The following ATP5PF variants were observed in gnomAD, a reference collection of about 807,000 sequenced individuals.
The protein encoded by ATP5PF is ATP synthase peripheral stalk subunit F6, mitochondrial.
ATP5PF carries 7 observed loss-of-function variants against 12.0 expected under a neutral mutation model. That is an observed-to-expected ratio of 0.58 (90% confidence interval 0.33 to 1.10). The LOEUF (loss-of-function observed/expected upper bound fraction) is 1.10, where lower values mean the gene tolerates loss of function less well. ATP5PF is among the 50% of genes least tolerant of loss of function. ATP5PF has a pLI of 0.03. For synonymous variants in ATP5PF, 41 were observed against 45.4 expected, an observed-to-expected ratio of 0.90 and a Z score of 0.39; for missense variants, 120 against 127.7, an observed-to-expected ratio of 0.94 and a Z score of 0.29.
chr21:25,734,934 C>A (rs776778987), upstream of ATP5PF: 15 of 1,574,558 alleles, frequency 9.5e-6, no homozygotes, highest in South Asian at 4.7e-5. Context: ...CCCCCACACG[C>A]CTACCCGCCA....
At position 25,734,872 on chromosome 21, in the gene ATP5PF, T is replaced by G. The variant is rs1028155113; in HGVS notation, c.-27A>C. ...AGTCACCTTGCACTCAGTCCCGAGC[T>G]GCCAAAGCCTCCGCCGCCACCACCT... On this transcript the variant is annotated 5_prime_UTR_variant, in exon 1 of 4. Transcript: ENST00000284971. 5 of 1,545,716 alleles carry G rather than the reference T, an allele frequency of 3.2e-6. No homozygotes were observed. The African/African-American group carries it at 6.8e-5, about 21-fold the overall frequency.
upstream of ATP5PF, chr21:25,734,994 A>C (rs2034975189): frequency 1.9e-6 from 3 of 1,549,362 alleles, no homozygotes; most frequent in African/African-American, 1.4e-5. Context: ...CTCACCGGAC[A>C]GGAAGCGTCT....
At chr21:25,735,352 C>A (rs1250229028), upstream of ATP5PF, 2 of 226,366 alleles carry the variant, frequency 8.8e-6, no homozygotes, top group Non-Finnish European at 1.8e-5. Flanking sequence ...TCGTTTTGCG[C>A]ACCCTGCCGG....
At chr21:25,733,893 A>C (rs1464542734) in intron 1 of ATP5PF, among the ~76,000 whole-genome samples, 1 of 152,210 alleles carries the variant, frequency 6.6e-6, no homozygotes, top group Non-Finnish European at 1.5e-5. Context: ...ATCCACTTTC[A>C]TTGTTTCAAT....
intron 2 of ATP5PF, among the ~76,000 whole-genome samples, chr21:25,729,122 A>ATC (rs2034691229): frequency 1.3e-5 from 2 of 152,208 alleles, no homozygotes; most frequent in Non-Finnish European, 2.9e-5. Flanking sequence ...ATACATTCTC[A>ATC]GAGATCTGTA....
At chr21:25,732,449 C>T (rs2034808687) in intron 1 of ATP5PF, among the ~76,000 whole-genome samples, 3 of 151,546 alleles carry the variant, frequency 2.0e-5, no homozygotes, top group African/African-American at 7.3e-5. Context: ...GAATTCAAGA[C>T]CAGCCTGGGC....
upstream of ATP5PF, chr21:25,735,124 T>A (rs2034985360): frequency 1.4e-6 from 1 of 710,596 alleles, no homozygotes; most frequent in Admixed American, 2.1e-5. Context: ...CTTCGCCTAA[T>A]TTGACCCGTT....
intron 3 of ATP5PF, 172 bp downstream of exon 3, chr21:25,725,054 T>C (rs2034579936): frequency 2.4e-6 from 2 of 829,914 alleles, no homozygotes; most frequent in Non-Finnish European, 3.6e-6. Flanking sequence ...TGATCTCCTA[T>C]ACTGCTCTTA....
At chr21:25,724,707 T>C (rs1205092398) in intron 3 of ATP5PF, 30 bp from the exon 4 acceptor site, 1 of 1,586,144 alleles carries the variant, frequency 6.3e-7, no homozygotes, top group Non-Finnish European at 8.5e-7. Flanking sequence ...AGGGTCAAGC[T>C]TAGCCAAATT....
Position 25,729,059 on chromosome 21 carries a change from A to G in ATP5PF, c.164+572T>C, listed in dbSNP as rs912518709. On this transcript the variant is annotated intron_variant, in intron 2 of 3. Coordinates refer to ENST00000284971, the MANE Select transcript of ATP5PF (RefSeq NM_001003703.2). ...TCCTTTCCAAAACTATGGTTCTACA[A>G]TTGTTTTTCTTGGACTTACATTATG... Among the ~76,000 whole-genome samples the G allele has an allele frequency of 2.2e-4, 33 of 152,282 alleles. 1 individual carries two copies. The South Asian group carries it at 3.3e-3, about 15-fold the overall frequency.
intron 2 of ATP5PF, among the ~76,000 whole-genome samples, chr21:25,728,280 A>G (rs1307889200): frequency 6.6e-6 from 1 of 152,212 alleles, no homozygotes. Flanking sequence ...GTAATTTCTC[A>G]CAAATGCCTA....
In ATP5PF at chr21:25,732,377, C is replaced by T. The variant is rs114342781; in HGVS notation, c.-8+2476G>A. On this transcript the variant is annotated intron_variant, in intron 1 of 3. Transcript: ENST00000284971. ...GAAATCTACAATGAGCCAGGTGCAG[C>T]GGATCATGCCTGTAATCCCAGCACT... is the stretch of plus-strand genomic sequence containing the variant. Among the ~76,000 whole-genome samples, 945 of 151,384 alleles carry T rather than the reference C, an allele frequency of 6.2e-3. 12 individuals carry two copies. The highest frequency in any genetic ancestry group is 0.022 in the African/African-American group (895 of 41,240).
upstream of ATP5PF, chr21:25,734,923 G>C: frequency 1.9e-6 from 3 of 1,570,638 alleles, no homozygotes; most frequent in Non-Finnish European, 2.6e-6. Context: ...CCCTGGCTCC[G>C]CCCCCACACG....
upstream of ATP5PF, chr21:25,735,167 G>A: frequency 1.6e-6 from 1 of 616,782 alleles, no homozygotes. Flanking sequence ...TGCTCTGTAC[G>A]CATGCGCTCT....
At chr21:25,733,252 G>C (rs563414682) in intron 1 of ATP5PF, among the ~76,000 whole-genome samples, 2 of 151,890 alleles carry the variant, frequency 1.3e-5, no homozygotes, top group African/African-American at 2.4e-5. Context: ...CAAAGTGGTC[G>C]GGCGCGGTGG....
In ATP5PF at chr21:25,724,573, C is replaced by A; in HGVS notation, c.*67G>T. The stretch of plus-strand genomic sequence containing the variant: ...GACAGTTATGAAATGCATGTTTATT[C>A]TGAAACTTCTAACTAGTTGTACAAC... On this transcript the variant is annotated 3_prime_UTR_variant, in exon 4 of 4. Coordinates refer to ENST00000284971, the MANE Select transcript of ATP5PF (RefSeq NM_001003703.2). The A allele has an allele frequency of 2.6e-6, 4 of 1,520,594 alleles. No homozygotes were observed. The highest frequency in any genetic ancestry group is 3.6e-6 in the Non-Finnish European group (4 of 1,108,448). The allele number at this position is 1,520,594 out of a possible 1,614,324, so 94.2% of individuals were successfully genotyped here.
At chr21:25,733,930 C>T (rs141571254) in intron 1 of ATP5PF, among the ~76,000 whole-genome samples, 41 of 152,338 alleles carry the variant, frequency 2.7e-4, no homozygotes, top group African/African-American at 9.4e-4. Flanking sequence ...GCCTATGATT[C>T]CCCAATCGCA....
chr21:25,731,406 CTT>C (rs35211681), intron 1 of ATP5PF, among the ~76,000 whole-genome samples: 4 of 149,622 alleles, frequency 2.7e-5, no homozygotes, highest in Non-Finnish European at 4.5e-5. Flanking sequence ...ATTTCTCAAT[CTT>C]TTTTTTTTTC....
In ATP5PF at chr21:25,725,307, CT is replaced by C. The variant is rs749625858; in HGVS notation, c.207del (p.Glu70SerfsTer18). ...AGCTTAAAAAGCTCCCTCTCCAGCT[CT>C]TGCTGATACTCTGAACTAGCATCAA... ...GPVDASSEYQ[Q>X]ELERELFKLK... On this transcript the variant is annotated frameshift_variant, in exon 3 of 4. Transcript: ENST00000284971. LOFTEE classifies it high-confidence loss of function. 10 of 1,612,712 alleles carry C rather than the reference CT, an allele frequency of 6.2e-6. No homozygotes were observed.
Sources: allele counts gnomAD v4.1 joint callset (sites outside exome capture counted in the v4.1 genomes callset), GRCh38; gene constraint gnomAD v4.1.1; transcripts MANE v1.5; gene names NCBI Gene and HGNC (gene_info 2026-07-23, HGNC 2026-07-21).